The following LRTM1 variants were observed in gnomAD, a reference collection of about 807,000 sequenced individuals.
LRTM1 encodes the protein leucine-rich repeat and transmembrane domain-containing protein 1.
A neutral mutation model predicts 32.4 loss-of-function variants in LRTM1; 38 were observed. The ratio of observed to expected loss-of-function variants is 1.17; its 90% CI spans 0.91 to 1.54. The LOEUF (loss-of-function observed/expected upper bound fraction) is 1.54. Ranked by LOEUF, LRTM1 falls within the 40% of genes most tolerant of loss-of-function variation. The pLI, the probability that LRTM1 is intolerant of heterozygous loss-of-function variation, is 0.00. For missense variants in LRTM1, 466 were observed against 415.4 expected (o/e 1.12, Z -1.06); for synonymous variants, 186 against 169.9 (o/e 1.09, Z -0.74).
At chr3:54,925,796 C>T (rs1357833591) in intron 1 of LRTM1, among the ~76,000 whole-genome samples, 1 of 152,158 alleles carries the variant, frequency 6.6e-6, no homozygotes, top group Non-Finnish European at 1.5e-5. Flanking sequence ...CTATTTTAAA[C>T]AACAGTAGCC....
At chr3:54,941,488 TC>T (rs1442006414) in intron 1 of LRTM1, among the ~76,000 whole-genome samples, 1 of 152,150 alleles carries the variant, frequency 6.6e-6, no homozygotes, top group Non-Finnish European at 1.5e-5. Context: ...GTTTTCCCCC[TC>T]CATTCATTGT....
At chr3:54,942,946 C>T (rs1000582851) in intron 1 of LRTM1, among the ~76,000 whole-genome samples, 4 of 152,214 alleles carry the variant, frequency 2.6e-5, no homozygotes, top group African/African-American at 9.6e-5. Flanking sequence ...ATTGCTTGAA[C>T]CCAGGAGGCG....
Position 54,918,431 on chromosome 3 carries a change from T to C in LRTM1, c.*28A>G, listed in dbSNP as rs2106922933. 1.3e-6 allele frequency: 2 copies of C among 1,540,150 alleles called. No homozygotes were observed. Among genetic ancestry groups the C allele is most frequent in the East Asian group, 4.8e-5 (2 of 42,086 alleles). ...TCAGACACTATCTTCTGGCCTGCAA[T>C]GACCAATCCTATTTGAGACAAAAGC... On this transcript the variant is annotated 3_prime_UTR_variant, in exon 3 of 3. Transcript: ENST00000273286.
intron 2 of LRTM1, among the ~76,000 whole-genome samples, chr3:54,921,184 C>T (rs1459392958): frequency 4.0e-5 from 1 of 24,994 alleles, no homozygotes; most frequent in Non-Finnish European, 7.0e-5. Flanking sequence ...TCACTAGTAG[C>T]TCTTCACCTC....
At chr3:54,965,809 C>G (rs1322401490) in intron 1 of LRTM1, among the ~76,000 whole-genome samples, 3 of 152,180 alleles carry the variant, frequency 2.0e-5, no homozygotes, top group African/African-American at 7.2e-5. Context: ...GCAGCCAGGA[C>G]TATCCAGGAG....
rs543522295 is a variant in LRTM1 at position 54,939,698 on chromosome 3, C to A, written c.-221-14483G>T. ...CATTTGTCATGGCTGTTTCCCTATT[C>A]AGAAGCCGCCCCTGCAGGCCCACCC... On this transcript the variant is annotated intron_variant, in intron 1 of 2. Transcript: ENST00000493075. Among the ~76,000 whole-genome samples the A allele has an allele frequency of 6.6e-5, 10 of 152,334 alleles. 1 individual carries two copies. The highest frequency in any genetic ancestry group is 2.4e-4 in the African/African-American group (10 of 41,584).
chr3:54,932,053 G>A (rs1207310428), upstream of LRTM1, among the ~76,000 whole-genome samples: 1 of 152,076 alleles, frequency 6.6e-6, no homozygotes, highest in Non-Finnish European at 1.5e-5. Context: ...GTGGTGGTGA[G>A]CGCCTATAGT....
At chr3:54,935,057 A>G (rs1345732784) in intron 1 of LRTM1, among the ~76,000 whole-genome samples, 1 of 152,192 alleles carries the variant, frequency 6.6e-6, no homozygotes, top group Non-Finnish European at 1.5e-5. Flanking sequence ...GCTATTTAGC[A>G]GTTTTCTCAT....
chr3:54,921,552 TTTTC>T (rs1373590737), intron 2 of LRTM1, among the ~76,000 whole-genome samples: 1 of 152,168 alleles, frequency 6.6e-6, no homozygotes, highest in African/African-American at 2.4e-5. Context: ...GAAGACTAAA[TTTTC>T]CCACTTTTTG....
intron 1 of LRTM1, among the ~76,000 whole-genome samples, chr3:54,940,648 G>A (rs1054482158): frequency 6.6e-6 from 1 of 151,190 alleles, no homozygotes; most frequent in African/African-American, 2.5e-5. Context: ...AGTTTTCTGG[G>A]TGTGAATGCC....
intron 1 of LRTM1, among the ~76,000 whole-genome samples, chr3:54,951,734 C>A (rs1324207712): frequency 6.6e-6 from 1 of 152,236 alleles, no homozygotes; most frequent in African/African-American, 2.4e-5. Context: ...GAGAAAACAT[C>A]TTCTCCCTTG....
intron 1 of LRTM1, among the ~76,000 whole-genome samples, chr3:54,937,469 C>T (rs1232690742): frequency 6.6e-6 from 1 of 152,210 alleles, no homozygotes. Context: ...TTCCAAGTAT[C>T]CAGGTTTCAC....
intron 1 of LRTM1, among the ~76,000 whole-genome samples, chr3:54,966,453 A>G (rs1702152847): frequency 6.6e-6 from 1 of 152,194 alleles, no homozygotes; most frequent in South Asian, 2.1e-4. Context: ...ACATCACAGT[A>G]GGTCCCCAAC....
intron 2 of LRTM1, among the ~76,000 whole-genome samples, chr3:54,923,531 T>C (rs1328110908): frequency 6.6e-6 from 1 of 152,226 alleles, no homozygotes; most frequent in African/African-American, 2.4e-5. Context: ...TAGCACTAAC[T>C]GCTATTCTAA....
intron 2 of LRTM1, among the ~76,000 whole-genome samples, chr3:54,922,966 T>C (rs1446628587): frequency 1.3e-5 from 2 of 152,190 alleles, no homozygotes; most frequent in Non-Finnish European, 2.9e-5. Context: ...TGTCTGCCAG[T>C]TCAGTATTCC....
rs1016830754 is a variant in LRTM1, at chr3:54,925,073, A to G, written c.150T>C (p.Pro50=). ...CTTGTAAATGCAGCGTTCGAGTCTG[A>G]GGAGGTAAATGGGAAGGGATTTCGG... ...GLAEIPSHLP[P]QTRTLHLQDN... The change falls in exon 2 of 3, where the codon CCT becomes CCC. Residue 50 remains proline (P), a synonymous_variant. Transcript: ENST00000273286. 1.2e-6 allele frequency: 2 copies of G among 1,614,004 alleles called. No homozygotes were observed. The highest frequency in any genetic ancestry group is 1.7e-6 in the Non-Finnish European group (2 of 1,180,026).
chr3:54,927,605 AC>A (rs1701060376), intron 1 of LRTM1, among the ~76,000 whole-genome samples: 1 of 151,988 alleles, frequency 6.6e-6, no homozygotes. Context: ...CTTTGGTTCC[AC>A]TTTTCCCCCC....
intron 2 of LRTM1, 127 bp downstream of exon 2, chr3:54,924,492 C>T (rs1159194420): frequency 4.1e-6 from 3 of 738,170 alleles, no homozygotes; most frequent in East Asian, 5.0e-5. Context: ...TGAAATGGCA[C>T]CGATGTGTAA....
chr3:54,953,453 C>A (rs778308815), intron 1 of LRTM1, among the ~76,000 whole-genome samples: 12 of 152,148 alleles, frequency 7.9e-5, no homozygotes, highest in Non-Finnish European at 8.8e-5. Flanking sequence ...ACAGATAGCA[C>A]TGGGCCAAGA....
Sources: allele counts gnomAD v4.1 joint callset (sites outside exome capture counted in the v4.1 genomes callset), GRCh38; gene constraint gnomAD v4.1.1; transcripts MANE v1.5; gene names NCBI Gene and HGNC (gene_info 2026-07-23, HGNC 2026-07-21).